The following TNIP3 variants were observed in gnomAD, a reference collection of about 807,000 sequenced individuals.
The protein encoded by TNIP3 is TNFAIP3-interacting protein 3.
TNIP3 carries 34 observed loss-of-function variants against 54.1 expected under a neutral mutation model. The observed-to-expected ratio is 0.63, with a 90% confidence interval of 0.48 to 0.84. TNIP3 has a LOEUF of 0.84. Ranked by LOEUF, TNIP3 falls within the 40% of genes least tolerant of loss-of-function variation. The pLI is 0.00. For missense variants in TNIP3, 366 were observed against 387.6 expected (o/e 0.94, Z 0.47); for synonymous variants, 134 against 136.8 (o/e 0.98, Z 0.14).
chr4:121,221,412 C>A (rs568466063), upstream of TNIP3, among the ~76,000 whole-genome samples: 1 of 152,162 alleles, frequency 6.6e-6, no homozygotes, highest in South Asian at 2.1e-4. Flanking sequence ...ATAAAACTAA[C>A]CTAAATTTAC....
intron 2 of TNIP3, among the ~76,000 whole-genome samples, chr4:121,212,257 G>C (rs989200959): frequency 8.5e-5 from 13 of 152,208 alleles, no homozygotes; most frequent in Non-Finnish European, 1.2e-4. Flanking sequence ...TGTTTGCATG[G>C]AAGAGGCTTT....
chr4:121,173,634 C>T (rs1185133888), intron 3 of TNIP3, among the ~76,000 whole-genome samples: 1 of 152,064 alleles, frequency 6.6e-6, no homozygotes, highest in Non-Finnish European at 1.5e-5. Context: ...TTCATGTATG[C>T]ACTTTTTTCT....
At chr4:121,168,521 CT>C (rs35307961), upstream of TNIP3, among the ~76,000 whole-genome samples, 292 of 132,212 alleles carry the variant, frequency 2.2e-3, no homozygotes, top group East Asian at 5.4e-3. Flanking sequence ...CTTTTCTTTG[CT>C]TTTTTTTTTT....
intron 3 of TNIP3, among the ~76,000 whole-genome samples, chr4:121,170,398 G>A (rs560162730): frequency 2.0e-5 from 3 of 152,164 alleles, no homozygotes; most frequent in Non-Finnish European, 2.9e-5. Flanking sequence ...TGACCACGGG[G>A]ATACACAAAG....
upstream of TNIP3, among the ~76,000 whole-genome samples, chr4:121,217,316 G>A (rs959058699): frequency 4.6e-5 from 7 of 152,102 alleles, no homozygotes; most frequent in Non-Finnish European, 1.0e-4. Flanking sequence ...TGGGAAACAC[G>A]AAGCCAGTTT....
At chr4:121,201,668 A>T (rs1283298580) in intron 2 of TNIP3, among the ~76,000 whole-genome samples, 5 of 152,208 alleles carry the variant, frequency 3.3e-5, no homozygotes, top group Admixed American at 3.3e-4. Flanking sequence ...GTTGTATTCT[A>T]GATTAACCAA....
chr4:121,154,395 C>A, intron 5 of TNIP3, 156 bp downstream of exon 5: 2 of 947,608 alleles, frequency 2.1e-6, no homozygotes, highest in Non-Finnish European at 3.2e-6. Context: ...CTGAAAGCTG[C>A]AGCTAGGAGT....
chr4:121,167,645 T>C (rs1220005677), upstream of TNIP3, among the ~76,000 whole-genome samples: 4 of 152,228 alleles, frequency 2.6e-5, no homozygotes, highest in African/African-American at 9.6e-5. Context: ...ATGGAGTTAC[T>C]AAAGACCTTT....
At chr4:121,212,376 A>G (rs905040725) in intron 2 of TNIP3, among the ~76,000 whole-genome samples, 1 of 152,208 alleles carries the variant, frequency 6.6e-6, no homozygotes, top group Non-Finnish European at 1.5e-5. Context: ...TTCATCTAAT[A>G]TATTACATAT....
At chr4:121,200,548 T>C (rs775842907) in intron 2 of TNIP3, among the ~76,000 whole-genome samples, 7 of 152,140 alleles carry the variant, frequency 4.6e-5, no homozygotes, top group Non-Finnish European at 1.0e-4. Flanking sequence ...ACACATACCC[T>C]GACCAGTGGG....
At chr4:121,167,791 G>A (rs1730845133), upstream of TNIP3, among the ~76,000 whole-genome samples, 1 of 152,090 alleles carries the variant, frequency 6.6e-6, no homozygotes, top group Admixed American at 6.6e-5. Flanking sequence ...TATTTTAACA[G>A]CTTGTGACAA....
intron 2 of TNIP3, among the ~76,000 whole-genome samples, chr4:121,210,467 G>T (rs1187980174): frequency 3.9e-5 from 6 of 152,152 alleles, no homozygotes; most frequent in Non-Finnish European, 8.8e-5. Flanking sequence ...AATCATTATA[G>T]ATCAACAAGA....
intron 3 of TNIP3, among the ~76,000 whole-genome samples, chr4:121,170,129 AT>A (rs1730988353): frequency 6.6e-6 from 1 of 152,144 alleles, no homozygotes; most frequent in African/African-American, 2.4e-5. Context: ...TTATGATCTC[AT>A]GGTGCTTTGT....
Position 121,157,206 on chromosome 4 carries a change from C to A in TNIP3, c.251G>T (p.Arg84Ile), listed in dbSNP as rs1370625471. The A allele has an allele frequency of 5.6e-6, 9 of 1,614,044 alleles. No individual in the cohort carries two copies. Among genetic ancestry groups the A allele is most frequent in the Non-Finnish European group, 7.6e-6 (9 of 1,180,040 alleles). Residue 84 changes from arginine to isoleucine, a missense_variant, in exon 4 of 11, where the codon AGA (arginine) becomes ATA (isoleucine). Arg to Ile is a moderately conservative substitution (Grantham distance 97). Transcript: ENST00000057513. Reference sequence around the variant, plus strand: ...ATCCTTCTCCCGCGTGCTGAGGAATCTTTCCGCGGCGTCCAGTTTCGTCTT... The same window carrying A: ...ATCCTTCTCCCGCGTGCTGAGGAATATTTCCGCGGCGTCCAGTTTCGTCTT... ...ELKTKLDAAE[R>I]FLSTREKDPH...
intron 1 of TNIP3, among the ~76,000 whole-genome samples, chr4:121,161,643 A>G (rs1730462419): frequency 6.6e-6 from 1 of 152,194 alleles, no homozygotes; most frequent in African/African-American, 2.4e-5. Context: ...ATGAACATGT[A>G]TGTGAGTAAT....
chr4:121,214,769 T>C (rs942329138), intron 2 of TNIP3, among the ~76,000 whole-genome samples: 1 of 152,234 alleles, frequency 6.6e-6, no homozygotes, highest in African/African-American at 2.4e-5. Flanking sequence ...GTATAATAAC[T>C]TCATCCTTAA....
chr4:121,187,557 G>C lies in TNIP3; in HGVS notation c.69-4761C>G, dbSNP rs1363712795. ...ATTGTTAATAAAGAAGGACCATGGA[G>C]GGCTATGCTATTTCCAAAGAATTTG... On this transcript the variant is annotated intron_variant, in intron 2 of 12. Coordinates refer to the TNIP3 transcript ENST00000507879. Among the ~76,000 whole-genome samples the C allele has an allele frequency of 2.6e-5, 4 of 152,266 alleles. No individual in the cohort carries two copies. The East Asian group carries it at 7.7e-4, about 29-fold the overall frequency.
At chr4:121,134,470 G>A (rs1037584130) in intron 10 of TNIP3, among the ~76,000 whole-genome samples, 4 of 152,100 alleles carry the variant, frequency 2.6e-5, no homozygotes, top group Admixed American at 6.5e-5. Flanking sequence ...GTAAAATCAC[G>A]TTTCTAAACA....
chr4:121,140,788 G>C (rs1017130163), intron 9 of TNIP3, among the ~76,000 whole-genome samples: 1 of 152,150 alleles, frequency 6.6e-6, no homozygotes, highest in Non-Finnish European at 1.5e-5. Context: ...AAGGGGGAGG[G>C]AGAGCAGACA....
Sources: allele counts gnomAD v4.1 joint callset (sites outside exome capture counted in the v4.1 genomes callset), GRCh38; gene constraint gnomAD v4.1.1; transcripts MANE v1.5; gene names NCBI Gene and HGNC (gene_info 2026-07-23, HGNC 2026-07-21).